DNAH11: variants seen among roughly 807,000 people sequenced by gnomAD.
The protein encoded by DNAH11 is axonemal beta dynein heavy chain 11.
A neutral mutation model predicts 526.0 loss-of-function variants in DNAH11; 442 were observed. That is an observed-to-expected ratio of 0.84 (90% confidence interval 0.78 to 0.91). The LOEUF is 0.91. Ranked by LOEUF, DNAH11 falls within the 40% of genes least tolerant of loss-of-function variation. DNAH11 has a pLI of 0.00. For synonymous variants in DNAH11, 2,461 were observed against 1,935.9 expected (o/e 1.27, Z -7.12); for missense variants, 6,989 against 5,448.7 (o/e 1.28, Z -8.90).
chr7:21,880,641 G>T, intron 74 of DNAH11, 61 bp from the exon 75 acceptor site: 1 of 1,575,420 alleles, frequency 6.3e-7, no homozygotes, highest in Non-Finnish European at 8.7e-7. Flanking sequence ...TGAAAACGCA[G>T]ACCCTTGCTC....
At chr7:21,724,485 T>C (rs569976586) in intron 44 of DNAH11, among the ~76,000 whole-genome samples, 10 of 152,352 alleles carry the variant, frequency 6.6e-5, no homozygotes, top group African/African-American at 2.4e-4. Context: ...GTTGAAGTCA[T>C]AGATAGAAAT....
chr7:21,790,384 A>G (rs1388870924), intron 61 of DNAH11, among the ~76,000 whole-genome samples: 5 of 151,960 alleles, frequency 3.3e-5, no homozygotes, highest in Admixed American at 3.3e-4. Flanking sequence ...CAGGAAGTGG[A>G]GCTTGCAGTG....
At chr7:21,612,107 TAAA>T (rs758792260) in intron 20 of DNAH11, among the ~76,000 whole-genome samples, 1 of 152,136 alleles carries the variant, frequency 6.6e-6, no homozygotes, top group Non-Finnish European at 1.5e-5. Context: ...ATAAGAAACT[TAAA>T]AACTTAAAAT....
intron 61 of DNAH11, among the ~76,000 whole-genome samples, chr7:21,790,110 T>A (rs961021051): frequency 6.6e-6 from 1 of 151,886 alleles, no homozygotes; most frequent in African/African-American, 2.4e-5. Context: ...GAGTAATTCA[T>A]ATTAAGAATT....
chr7:21,631,477 TC>T (rs1281505021), intron 25 of DNAH11, among the ~76,000 whole-genome samples: 1 of 152,156 alleles, frequency 6.6e-6, no homozygotes, highest in Non-Finnish European at 1.5e-5. Flanking sequence ...GCCTGTAAAA[TC>T]AAAAGCAAGT....
intron 64 of DNAH11, among the ~76,000 whole-genome samples, chr7:21,817,730 C>G (rs76156356): frequency 0.076 from 11,498 of 151,720 alleles, 532 homozygotes; most frequent in Middle Eastern, 0.12. Context: ...TGTCTGAATA[C>G]TTGGAGAAAA....
At chr7:21,819,198 C>T (rs928973529) in intron 65 of DNAH11, among the ~76,000 whole-genome samples, 1 of 152,084 alleles carries the variant, frequency 6.6e-6, no homozygotes. Flanking sequence ...AATTTCAGAA[C>T]TTCCCCCACC....
At chr7:21,869,082 A>G in intron 73 of DNAH11, 91 bp downstream of exon 73, 1 of 1,555,288 alleles carries the variant, frequency 6.4e-7, no homozygotes, top group Non-Finnish European at 8.7e-7. Flanking sequence ...CTCCCTTAAC[A>G]CCGCTGTGCA....
chr7:21,796,989 GAAC>G (rs1562551703), intron 61 of DNAH11, among the ~76,000 whole-genome samples: 25 of 151,748 alleles, frequency 1.6e-4, no homozygotes, highest in African/African-American at 5.6e-4. Context: ...TGGTAGAGAA[GAAC>G]AAAGAAAAAA....
chr7:21,830,579 G>A (rs114008374), intron 65 of DNAH11, among the ~76,000 whole-genome samples: 309 of 152,270 alleles, frequency 2.0e-3, no homozygotes, highest in African/African-American at 7.2e-3. Context: ...ATGTTATGCA[G>A]TGAAATGAAC....
At chr7:21,686,327 A>C (rs1031688670) in intron 32 of DNAH11, among the ~76,000 whole-genome samples, 1 of 152,226 alleles carries the variant, frequency 6.6e-6, no homozygotes, top group Non-Finnish European at 1.5e-5. Flanking sequence ...CCTGACCTCC[A>C]TGTGTATATC....
intron 54 of DNAH11, among the ~76,000 whole-genome samples, chr7:21,761,741 G>T (rs1786928500): frequency 6.6e-6 from 1 of 152,162 alleles, no homozygotes; most frequent in Admixed American, 6.5e-5. Flanking sequence ...ACATAGTGTT[G>T]TGAGGATCCT....
chr7:21,623,050 A>G lies in DNAH11; in HGVS notation c.4500+2972A>G, dbSNP rs972473490. Among the ~76,000 whole-genome samples the G allele has an allele frequency of 1.3e-5, 2 of 151,918 alleles. 1 individual carries two copies. The highest frequency in any genetic ancestry group is 4.1e-4 in the South Asian group (2 of 4,822). The stretch of plus-strand genomic sequence containing the variant: ...ACAGGCAACCTACAAAATGGGAGAA[A>G]ATTTTCGCAACCTACTCATCTGACA... On this transcript the variant is annotated intron_variant, in intron 25 of 81. Transcript: ENST00000409508.
intron 34 of DNAH11, among the ~76,000 whole-genome samples, chr7:21,689,927 G>A (rs1177233047): frequency 1.3e-5 from 2 of 152,144 alleles, no homozygotes; most frequent in African/African-American, 4.8e-5. Context: ...ACCATTCATT[G>A]CCCTGGCCAG....
At chr7:21,859,498 C>T (rs912496528) in intron 68 of DNAH11, among the ~76,000 whole-genome samples, 6 of 152,146 alleles carry the variant, frequency 3.9e-5, no homozygotes, top group Non-Finnish European at 7.4e-5. Context: ...CTGAAAAAAT[C>T]CAAAATCTGA....
intron 61 of DNAH11, among the ~76,000 whole-genome samples, chr7:21,789,840 C>CTTTCT (rs1449198669): frequency 8.3e-6 from 1 of 120,024 alleles, no homozygotes; most frequent in African/African-American, 3.3e-5. Flanking sequence ...TTCTTTCTTT[C>CTTTCT]TTTCTTTCTT....
intron 25 of DNAH11, among the ~76,000 whole-genome samples, chr7:21,631,658 C>T (rs1786614771): frequency 6.6e-6 from 1 of 151,014 alleles, no homozygotes; most frequent in African/African-American, 2.4e-5. Context: ...CCATGTTTCA[C>T]ATCCAGGTCA....
chr7:21,847,142 G>T lies in DNAH11; in HGVS notation c.10896+4394G>T, dbSNP rs557611050. On this transcript the variant is annotated intron_variant, in intron 66 of 81. Transcript: ENST00000409508. ...TTGATCCTTTCAAATAATCAGCTTT[G>T]GATTTTAGTTTCTCTACTGATTTTC... Among the ~76,000 whole-genome samples the T allele has an allele frequency of 7.0e-4, 106 of 152,062 alleles. 1 individual carries two copies. Among genetic ancestry groups the T allele is most frequent in the African/African-American group, 2.4e-3 (101 of 41,478 alleles).
chr7:21,776,781 T>G (rs1787686825), intron 56 of DNAH11, among the ~76,000 whole-genome samples: 1 of 152,182 alleles, frequency 6.6e-6, no homozygotes, highest in African/African-American at 2.4e-5. Context: ...TGATAATAGA[T>G]TCAGAAGAAA....
Sources: gnomAD v4.1 joint callset for allele counts (sites outside exome capture counted in the v4.1 genomes callset) on GRCh38, gnomAD v4.1.1 for gene constraint, MANE v1.5 for transcripts, NCBI Gene and HGNC (gene_info 2026-07-23, HGNC 2026-07-21) for gene names.